SGPP1: variants seen among roughly 807,000 people sequenced by gnomAD.
The protein encoded by SGPP1 is sphingosine-1-phosphate phosphatase 1, also known as hSPP1.
Under a neutral mutation model 33.0 loss-of-function variants are expected in SGPP1, and 21 were observed. The observed-to-expected ratio is 0.64, with a 90% confidence interval of 0.45 to 0.92. The LOEUF is 0.92. SGPP1 is among the 40% of genes least tolerant of loss of function. The probability of loss-of-function intolerance (pLI) is 0.00; values close to 1 mark genes in which losing one functional copy is unlikely to be tolerated. For synonymous variants in SGPP1, 239 were observed against 241.2 expected, an observed-to-expected ratio of 0.99 and a Z score of 0.08; for missense variants, 543 against 589.4, an observed-to-expected ratio of 0.92 and a Z score of 0.81.
intron 1 of SGPP1, among the ~76,000 whole-genome samples, chr14:63,701,377 AT>A (rs1186560235): frequency 6.6e-6 from 1 of 152,204 alleles, no homozygotes; most frequent in Non-Finnish European, 1.5e-5. Context: ...TAAAACAGAT[AT>A]AAAAATAGGG....
rs1351360765 is a variant in SGPP1 at position 63,684,604 on chromosome 14, T to C, written c.*1501A>G. The C allele has an allele frequency of 2.0e-5, 3 of 152,474 alleles. No individual in the cohort carries two copies. The highest frequency in any genetic ancestry group is 2.1e-4 in the South Asian group (1 of 4,830). The allele number at this position is 152,474 out of a possible 1,614,324, so 9.4% of individuals were successfully genotyped here. A position where few individuals can be genotyped will look rare whatever the true frequency, so the allele number is the denominator to read the frequency against. ...GCTCAAATAGTTATGGTGCCCAAAA[T>C]AGAAACATCTGAAGTGATAGTTCTG... On this transcript the variant is annotated 3_prime_UTR_variant, in exon 3 of 3. Transcript: ENST00000247225.
In SGPP1 at chr14:63,685,829, T is replaced by C. The variant is rs1342419899; in HGVS notation, c.*276A>G. ...CATATTATGTACCTTATATATATTA[T>C]ATATAAGTTGAATCCATAATACAAA... On this transcript the variant is annotated 3_prime_UTR_variant, in exon 3 of 3. Coordinates refer to ENST00000247225, the MANE Select transcript of SGPP1 (RefSeq NM_030791.4). 2 of 164,138 alleles carry C rather than the reference T, an allele frequency of 1.2e-5. No individual in the cohort carries two copies. The highest frequency in any genetic ancestry group is 2.4e-5 in the African/African-American group (1 of 41,394). The allele number at this position is 164,138 out of a possible 1,614,324, so 10.2% of individuals were successfully genotyped here. A position where few individuals can be genotyped will look rare whatever the true frequency, so the allele number is the denominator to read the frequency against.
chr14:63,704,353 A>T (rs1305594987), intron 1 of SGPP1, among the ~76,000 whole-genome samples: 2 of 152,196 alleles, frequency 1.3e-5, no homozygotes, highest in African/African-American at 2.4e-5. Flanking sequence ...TGGGCCCCAA[A>T]CTAAACCCAT....
intron 1 of SGPP1, among the ~76,000 whole-genome samples, chr14:63,706,945 A>G (rs1320395741): frequency 1.4e-5 from 2 of 146,692 alleles, no homozygotes; most frequent in Non-Finnish European, 3.0e-5. Context: ...CGGGAGGCTG[A>G]GGTGGGAGAA....
At chr14:63,707,596 C>T (rs1316810780) in intron 1 of SGPP1, among the ~76,000 whole-genome samples, 3 of 149,226 alleles carry the variant, frequency 2.0e-5, no homozygotes, top group African/African-American at 2.5e-5. Flanking sequence ...AGTGCAATGG[C>T]GCGATCTCGG....
intron 1 of SGPP1, among the ~76,000 whole-genome samples, chr14:63,721,488 G>A (rs146165300): frequency 1.4e-3 from 212 of 151,858 alleles, no homozygotes; most frequent in African/African-American, 4.1e-3. Context: ...TATAAACTCA[G>A]GAAAACGTGA....
chr14:63,709,754 C>G (rs1302215498), intron 1 of SGPP1, among the ~76,000 whole-genome samples: 1 of 152,084 alleles, frequency 6.6e-6, no homozygotes, highest in Non-Finnish European at 1.5e-5. Context: ...AAACCCAAAA[C>G]AGATCACATG....
intron 2 of SGPP1, among the ~76,000 whole-genome samples, chr14:63,697,583 T>G (rs1278356181): frequency 6.6e-6 from 1 of 152,062 alleles, no homozygotes; most frequent in Non-Finnish European, 1.5e-5. Flanking sequence ...GAACTTGGAG[T>G]CTAGTATACT....
In SGPP1 at chr14:63,685,815, C is replaced by T. The variant is rs1042343000; in HGVS notation, c.*290G>A. The T allele has an allele frequency of 7.1e-5, 11 of 153,856 alleles. No individual in the cohort carries two copies. Among genetic ancestry groups the T allele is most frequent in the African/African-American group, 2.7e-4 (11 of 40,632 alleles). The allele number at this position is 153,856 out of a possible 1,614,324, so 9.5% of individuals were successfully genotyped here. On this transcript the variant is annotated 3_prime_UTR_variant, in exon 3 of 3. Coordinates refer to ENST00000247225, the MANE Select transcript of SGPP1 (RefSeq NM_030791.4). ...CAGATATATAATTGCATATTATGTA[C>T]CTTATATATATTATATATAAGTTGA...
rs1395945630 is a variant in SGPP1 at position 63,685,249 on chromosome 14, CA to C, written c.*855del. On this transcript the variant is annotated 3_prime_UTR_variant, in exon 3 of 3. Coordinates refer to ENST00000247225, the MANE Select transcript of SGPP1 (RefSeq NM_030791.4). ...TTTACTTTTATGCCTGTCACCCTGA[CA>C]TACATTTTTTAAAATATTTGCTTGA... 7 of 152,550 alleles carry C rather than the reference CA, an allele frequency of 4.6e-5. No individual in the cohort carries two copies. Among genetic ancestry groups the C allele is most frequent in the Admixed American group, 2.6e-4 (4 of 15,280 alleles). The allele number at this position is 152,550 out of a possible 1,614,324, so 9.4% of individuals were successfully genotyped here.
intron 2 of SGPP1, among the ~76,000 whole-genome samples, chr14:63,692,906 C>G (rs922840222): frequency 1.3e-5 from 2 of 152,212 alleles, no homozygotes; most frequent in Admixed American, 1.3e-4. Context: ...ATAAGGAGAT[C>G]TCAAATGATG....
chr14:63,691,721 T>A (rs1041831351), intron 2 of SGPP1, among the ~76,000 whole-genome samples: 6 of 152,274 alleles, frequency 3.9e-5, no homozygotes, highest in East Asian at 3.9e-4. Flanking sequence ...CAGTATTTTT[T>A]AAAAATCTCC....
intron 2 of SGPP1, among the ~76,000 whole-genome samples, chr14:63,692,608 C>A (rs1452732714): frequency 6.6e-6 from 1 of 151,958 alleles, no homozygotes; most frequent in Non-Finnish European, 1.5e-5. Flanking sequence ...AGCCACCAGG[C>A]CTGGCTAATA....
Position 63,698,624 on chromosome 14 carries a change from C to G in SGPP1, c.719G>C (p.Cys240Ser), listed in dbSNP as rs1342783666. 6.2e-7 allele frequency: 1 copy of G among 1,603,922 alleles called. No individual in the cohort carries two copies. Among genetic ancestry groups the G allele is most frequent in the Non-Finnish European group, 8.5e-7 (1 of 1,174,346 alleles). The change falls in exon 2 of 3, where the codon TGC (cysteine) becomes TCC (serine). Residue 240 changes from cysteine (C) to serine (S), a missense_variant. Transcript: ENST00000247225. ...ACTTAGGCAAACTAGAGAACACCAGCAGGGAATAAGAATCAGTCCATATAT... is the reference window on the plus strand; with the variant it reads ...ACTTAGGCAAACTAGAGAACACCAGGAGGGAATAAGAATCAGTCCATATAT... ...PLIYGLILIPCWCSLVCLSRI... is the reference protein window; with the variant it reads ...PLIYGLILIPSWCSLVCLSRI...
chr14:63,716,071 C>T (rs1051754391), intron 1 of SGPP1, among the ~76,000 whole-genome samples: 3 of 151,938 alleles, frequency 2.0e-5, no homozygotes, highest in Admixed American at 2.0e-4. Flanking sequence ...AGAAATACAA[C>T]AAAATCCAAA....
Position 63,727,317 on chromosome 14 carries a change from TGGC to T in SGPP1, c.625_627del (p.Ala209del). 6.2e-7 allele frequency: 1 copy of T among 1,613,998 alleles called. No individual in the cohort carries two copies. The highest frequency in any genetic ancestry group is 8.5e-7 in the Non-Finnish European group (1 of 1,179,946). ...GAAATGGGGATGGCGGTGCCGGACA[TGGC>T]ATGGGTGGAGGGCATGCTGTACTCA... On this transcript the variant is annotated inframe_deletion, in exon 1 of 3. Transcript: ENST00000247225.
At position 63,721,636 on chromosome 14, in the gene SGPP1, C is replaced by T. The variant is rs61985695; in HGVS notation, c.684+5625G>A. Among the ~76,000 whole-genome samples, 704 of 152,294 alleles carry T rather than the reference C, an allele frequency of 4.6e-3. 9 individuals carry two copies. The highest frequency in any genetic ancestry group is 6.8e-3 in the Non-Finnish European group (463 of 68,028). On this transcript the variant is annotated intron_variant, in intron 1 of 2. Coordinates refer to ENST00000247225, the MANE Select transcript of SGPP1 (RefSeq NM_030791.4). ...CAGCCTCCTCTGGTCTTTACTGTGA[C>T]CTACTTTTGTAACTCTTACTTTTTG...
At chr14:63,710,284 T>C (rs1378342069) in intron 1 of SGPP1, among the ~76,000 whole-genome samples, 2 of 152,172 alleles carry the variant, frequency 1.3e-5, no homozygotes, top group Middle Eastern at 3.2e-3. Flanking sequence ...ACTAAGGACA[T>C]AGAAATGTGG....
chr14:63,688,944 A>G (rs1320653412), intron 2 of SGPP1, among the ~76,000 whole-genome samples: 1 of 152,086 alleles, frequency 6.6e-6, no homozygotes, highest in African/African-American at 2.4e-5. Flanking sequence ...GATGGTCTCT[A>G]TCTCCTGACC....
Sources: gnomAD v4.1 joint callset for allele counts (sites outside exome capture counted in the v4.1 genomes callset) on GRCh38, gnomAD v4.1.1 for gene constraint, MANE v1.5 for transcripts, NCBI Gene and HGNC (gene_info 2026-07-23, HGNC 2026-07-21) for gene names.